RPH3A: variants seen among roughly 807,000 people sequenced by gnomAD.
RPH3A encodes rabphilin-3A.
RPH3A carries 48 observed loss-of-function variants against 102.2 expected under a neutral mutation model. The observed-to-expected ratio is 0.47, with a 90% CI of 0.37 to 0.60. The LOEUF (loss-of-function observed/expected upper bound fraction) is 0.60, where lower values mean the gene tolerates loss of function less well. Ranked by LOEUF, RPH3A falls within the 20% of genes least tolerant of loss-of-function variation. The pLI is 0.00. For synonymous variants in RPH3A, 310 were observed against 324.3 expected, an observed-to-expected ratio of 0.96 and a Z score of 0.47; for missense variants, 781 against 910.1, an observed-to-expected ratio of 0.86 and a Z score of 1.83.
At chr12:112,678,291 A>G (rs11503177) in intron 1 of RPH3A, among the ~76,000 whole-genome samples, 2,495 of 29,280 alleles carry the variant, frequency 0.085, 142 homozygotes, top group African/African-American at 0.24. Flanking sequence ...GAAAGAAAGA[A>G]AGAAAGAAAG....
intron 1 of RPH3A, among the ~76,000 whole-genome samples, chr12:112,771,347 T>C (rs1205225368): frequency 6.6e-6 from 1 of 152,240 alleles, no homozygotes; most frequent in Non-Finnish European, 1.5e-5. Flanking sequence ...TTCAACTATA[T>C]GAAACACTTT....
rs757021444 is a variant in RPH3A, at chr12:112,879,213, C to T, written c.1251+15C>T. 2 of 1,609,632 alleles carry T rather than the reference C, an allele frequency of 1.2e-6. No individual in the cohort carries two copies. The highest frequency in any genetic ancestry group is 2.2e-5 in the East Asian group (1 of 44,732). ...TTAAGGCCAAGGTGGGTGATGGGGA[C>T]CATGCAGGGAACCTCTCAGGATGCT... On this transcript the variant is annotated intron_variant, in intron 14 of 21. Transcript: ENST00000389385.
chr12:112,613,817 G>A (rs1332223380), intron 1 of RPH3A, among the ~76,000 whole-genome samples: 3 of 152,140 alleles, frequency 2.0e-5, no homozygotes, highest in Admixed American at 6.5e-5. Flanking sequence ...GGTGGTACAC[G>A]CCTGTAATCC....
At chr12:112,654,129 G>A (rs76651281) in intron 1 of RPH3A, among the ~76,000 whole-genome samples, 1,825 of 152,264 alleles carry the variant, frequency 0.012, 33 homozygotes, top group African/African-American at 0.041. Context: ...GAAGGACCTG[G>A]CTGAGGCTCT....
intron 1 of RPH3A, among the ~76,000 whole-genome samples, chr12:112,700,785 G>GT (rs1360958732): frequency 6.6e-6 from 1 of 152,170 alleles, no homozygotes; most frequent in Non-Finnish European, 1.5e-5. Context: ...CCTCTTAAAA[G>GT]TTGAGGTTCT....
At chr12:112,733,530 C>A (rs573627254) in intron 1 of RPH3A, among the ~76,000 whole-genome samples, 34 of 152,206 alleles carry the variant, frequency 2.2e-4, no homozygotes, top group African/African-American at 7.7e-4. Context: ...CAGGGAGCTC[C>A]CATCAAAAGA....
intron 2 of RPH3A, among the ~76,000 whole-genome samples, chr12:112,795,935 G>GTA (rs1442610767): frequency 6.6e-6 from 1 of 152,256 alleles, no homozygotes; most frequent in African/African-American, 2.4e-5. Context: ...CAAAACAAAA[G>GTA]TAGGGTGAGG....
chr12:112,639,570 T>C (rs2039871889), intron 1 of RPH3A, among the ~76,000 whole-genome samples: 1 of 152,116 alleles, frequency 6.6e-6, no homozygotes, highest in African/African-American at 2.4e-5. Flanking sequence ...GGTGATGGGA[T>C]GATCTGTGCA....
At chr12:112,649,190 C>T (rs138033441) in intron 1 of RPH3A, among the ~76,000 whole-genome samples, 29 of 152,368 alleles carry the variant, frequency 1.9e-4, no homozygotes, top group African/African-American at 6.7e-4. Flanking sequence ...TCTTGGTAGA[C>T]TTCAGATAGT....
At chr12:112,858,498 C>T (rs1248163005) in intron 5 of RPH3A, among the ~76,000 whole-genome samples, 1 of 152,058 alleles carries the variant, frequency 6.6e-6, no homozygotes, top group South Asian at 2.1e-4. Context: ...TGCTATTCCC[C>T]GGTTTCTCTG....
intron 1 of RPH3A, among the ~76,000 whole-genome samples, chr12:112,673,162 T>A (rs931160621): frequency 6.6e-6 from 1 of 152,054 alleles, no homozygotes; most frequent in Non-Finnish European, 1.5e-5. Context: ...CCTTGTATTC[T>A]TCTGGAAGAA....
At chr12:112,764,426 G>A (rs1392859392) in intron 1 of RPH3A, among the ~76,000 whole-genome samples, 2 of 152,144 alleles carry the variant, frequency 1.3e-5, no homozygotes, top group Non-Finnish European at 2.9e-5. Flanking sequence ...GGAATAGGTG[G>A]TAAATGTTTC....
intron 1 of RPH3A, among the ~76,000 whole-genome samples, chr12:112,773,287 A>ACAAAAG (rs2040940536): frequency 1.3e-5 from 2 of 152,138 alleles, no homozygotes; most frequent in Non-Finnish European, 2.9e-5. Flanking sequence ...CTTTTGTTGA[A>ACAAAAG]GGATGGGGTT....
rs113126680 is a variant in RPH3A, at chr12:112,887,786, G to A, written c.1437-11G>A. The stretch of plus-strand genomic sequence containing the variant: ...CCTGTTTCTCTCTCTACCCCCTTGT[G>A]TTGGTGGCAGGATCTCCGTCTGTGA... On this transcript the variant is annotated splice_polypyrimidine_tract_variant and intron_variant, in intron 16 of 21. Coordinates refer to ENST00000389385, the MANE Select transcript of RPH3A (RefSeq NM_001143854.2). 1 of 1,612,916 alleles carries A rather than the reference G, an allele frequency of 6.2e-7. No homozygotes were observed. The highest frequency in any genetic ancestry group is 8.5e-7 in the Non-Finnish European group (1 of 1,179,288).
intron 1 of RPH3A, among the ~76,000 whole-genome samples, chr12:112,595,572 A>G (rs1229900990): frequency 6.6e-6 from 1 of 151,954 alleles, no homozygotes; most frequent in Non-Finnish European, 1.5e-5. Context: ...CTTTTTTGGC[A>G]TTGGTGGAGA....
Position 112,611,091 on chromosome 12 carries a change from C to A in RPH3A, c.-140+35772C>A, listed in dbSNP as rs114997351. The stretch of plus-strand genomic sequence containing the variant: ...TAAACATAGTAGGTGCTCAATAAAA[C>A]CCTTGTTCAATGAATGAACCATTAG... On this transcript the variant is annotated intron_variant, in intron 1 of 21. Transcript: ENST00000543106. Among the ~76,000 whole-genome samples, 337 of 152,302 alleles carry A rather than the reference C, an allele frequency of 2.2e-3. 2 individuals carry two copies. The highest frequency in any genetic ancestry group is 8.0e-3 in the African/African-American group (331 of 41,578).
At chr12:112,896,383 A>T (rs1381806936) in intron 21 of RPH3A, among the ~76,000 whole-genome samples, 1 of 152,156 alleles carries the variant, frequency 6.6e-6, no homozygotes, top group Non-Finnish European at 1.5e-5. Flanking sequence ...AGTGAGTAGA[A>T]TGGTGATTTG....
At chr12:112,640,850 C>T (rs1205295848) in intron 1 of RPH3A, among the ~76,000 whole-genome samples, 1 of 152,166 alleles carries the variant, frequency 6.6e-6, no homozygotes, top group Non-Finnish European at 1.5e-5. Context: ...TCTCTCCTTT[C>T]TTTGCCAGCT....
At chr12:112,682,080 G>A (rs532143890) in intron 1 of RPH3A, among the ~76,000 whole-genome samples, 17 of 152,304 alleles carry the variant, frequency 1.1e-4, no homozygotes, top group African/African-American at 4.1e-4. Flanking sequence ...TCTTTTTCTT[G>A]TTCAGGTGAA....
Sources: allele counts gnomAD v4.1 joint callset (sites outside exome capture counted in the v4.1 genomes callset), GRCh38; gene constraint gnomAD v4.1.1; transcripts MANE v1.5; gene names NCBI Gene and HGNC (gene_info 2026-07-23, HGNC 2026-07-21).